Variants in RIC1 observed in about 807,000 individuals in gnomAD.
RIC1 encodes RIC1 partner of RAB6A GEF complex, also known as guanine nucleotide exchange factor subunit RIC1.
A neutral mutation model predicts 169.0 loss-of-function variants in RIC1; 88 were observed. The observed-to-expected ratio is 0.52, with a 90% CI of 0.44 to 0.62. The LOEUF is 0.62. RIC1 is among the 20% of genes least tolerant of loss of function. The pLI is 0.00. For missense variants in RIC1, 1,877 were observed against 1,725.5 expected (o/e 1.09, Z -1.56); for synonymous variants, 790 against 601.5 (o/e 1.31, Z -4.59).
chr9:5,670,765 A>G (rs1248663651), intron 2 of RIC1, among the ~76,000 whole-genome samples: 1 of 152,242 alleles, frequency 6.6e-6, no homozygotes, highest in Non-Finnish European at 1.5e-5. Context: ...TAATTCATGA[A>G]GAGCTGGCTG....
chr9:5,728,419 C>T (rs1563931359), intron 6 of RIC1, among the ~76,000 whole-genome samples: 2 of 152,324 alleles, frequency 1.3e-5, no homozygotes, highest in South Asian at 2.1e-4. Flanking sequence ...GGGAGTGTCC[C>T]GATTTTCCAT....
At position 5,656,649 on chromosome 9, in the gene RIC1, C is replaced by G; in HGVS notation, c.211C>G (p.Gln71Glu). 1 of 1,610,544 alleles carries G rather than the reference C, an allele frequency of 6.2e-7. No homozygotes were observed. The highest frequency in any genetic ancestry group is 8.5e-7 in the Non-Finnish European group (1 of 1,177,978). ...KSSTQFGSYK[Q>E]AEWRPDSTMI... ...ATCTACTCAGTTTGGATCCTACAAG[C>G]AAGCTGAATGGAGGCCAGATAGTAC... is the stretch of plus-strand genomic sequence containing the variant. Residue 71 changes from glutamine (Q) to glutamate (E), a missense_variant, in exon 2 of 26, where the codon CAA becomes GAA. Gln to Glu is a conservative substitution (Grantham distance 29). This residue lies in a region of RIC1 where 1,104 missense variants were observed against 992.0 expected (regional missense o/e 1.11). Coordinates refer to ENST00000414202, the MANE Select transcript of RIC1 (RefSeq NM_020829.4).
At chr9:5,651,099 C>T (rs1328420152) in intron 1 of RIC1, among the ~76,000 whole-genome samples, 1 of 152,182 alleles carries the variant, frequency 6.6e-6, no homozygotes, top group Non-Finnish European at 1.5e-5. Flanking sequence ...CTAAGAAGTT[C>T]TCTATGCTAG....
chr9:5,676,969 A>G (rs1820488278), intron 2 of RIC1, among the ~76,000 whole-genome samples: 1 of 151,666 alleles, frequency 6.6e-6, no homozygotes, highest in Non-Finnish European at 1.5e-5. Context: ...GGCTGTAACA[A>G]ACAAAACTAC....
intron 6 of RIC1, among the ~76,000 whole-genome samples, chr9:5,725,104 A>G (rs777784721): frequency 8.5e-5 from 13 of 152,088 alleles, no homozygotes; most frequent in East Asian, 1.9e-4. Flanking sequence ...CTCTTTTTCT[A>G]TTGATTGGAA....
intron 2 of RIC1, among the ~76,000 whole-genome samples, chr9:5,661,739 A>C (rs1586900320): frequency 6.6e-6 from 1 of 152,112 alleles, no homozygotes; most frequent in Non-Finnish European, 1.5e-5. Flanking sequence ...GGGCTGAGGC[A>C]ATGGGGTTTT....
intron 1 of RIC1, among the ~76,000 whole-genome samples, chr9:5,651,039 A>G (rs1818772580): frequency 6.6e-6 from 1 of 152,190 alleles, no homozygotes; most frequent in Admixed American, 6.5e-5. Context: ...TGCAGGTGGT[A>G]CAGGACCCAG....
In RIC1 at chr9:5,714,034, G is replaced by T. The variant is rs189558397; in HGVS notation, c.440+31G>T. 7.7e-4 allele frequency: 1,076 copies of T among 1,388,672 alleles called. 1 individual carries two copies. Among genetic ancestry groups the T allele is most frequent in the Non-Finnish European group, 1.0e-3 (994 of 981,018 alleles). 86.0% of individuals were successfully genotyped at this position (1,388,672 alleles called of 1,614,324 possible). On this transcript the variant is annotated intron_variant, in intron 4 of 25. Transcript: ENST00000414202. ...GTACTTTGGTTAAATTTGACATTGT[G>T]TGATGACAGTAGACAATGTAGTTCG... is the stretch of plus-strand genomic sequence containing the variant.
chr9:5,642,617 C>T (rs1048328032), intron 1 of RIC1, among the ~76,000 whole-genome samples: 1 of 144,968 alleles, frequency 6.9e-6, no homozygotes, highest in African/African-American at 2.8e-5. Flanking sequence ...ACACAAAATT[C>T]TTCCCACTTT....
chr9:5,729,960 G>T (rs1824261400), intron 6 of RIC1, among the ~76,000 whole-genome samples: 1 of 151,896 alleles, frequency 6.6e-6, no homozygotes, highest in Non-Finnish European at 1.5e-5. Flanking sequence ...TCTTTTCCAA[G>T]TACTTTAGAG....
intron 1 of RIC1, among the ~76,000 whole-genome samples, chr9:5,636,272 T>C (rs1817966968): frequency 6.6e-6 from 1 of 152,214 alleles, no homozygotes; most frequent in African/African-American, 2.4e-5. Context: ...AAATGTATTC[T>C]AAGTATTTAG....
intron 24 of RIC1, 33 bp from the exon 25 acceptor site, chr9:5,772,859 A>G (rs775211249): frequency 6.3e-7 from 1 of 1,591,754 alleles, no homozygotes; most frequent in Non-Finnish European, 8.6e-7. Flanking sequence ...GATCTTTCTT[A>G]GCATAAATCA....
intron 4 of RIC1, 128 bp from the exon 5 acceptor site, chr9:5,720,054 T>A: frequency 1.6e-6 from 1 of 640,420 alleles, no homozygotes; most frequent in East Asian, 2.9e-5. Flanking sequence ...AAGTTGCAGA[T>A]AAATGGAGAT....
intron 8 of RIC1, among the ~76,000 whole-genome samples, chr9:5,740,024 C>G (rs1459381250): frequency 1.3e-5 from 2 of 152,184 alleles, no homozygotes; most frequent in South Asian, 2.1e-4. Context: ...TCAGGGCAAT[C>G]TTAGCAGTTT....
intron 2 of RIC1, among the ~76,000 whole-genome samples, chr9:5,678,035 C>T (rs968088429): frequency 2.1e-5 from 3 of 142,736 alleles, no homozygotes; most frequent in Non-Finnish European, 4.5e-5. Context: ...GTGTGATGTT[C>T]CCCTTCCTGT....
intron 3 of RIC1, chr9:5,712,810 T>A (rs976457895): frequency 6.6e-6 from 1 of 152,198 alleles, no homozygotes; most frequent in African/African-American, 2.4e-5. Flanking sequence ...GTCACATCAG[T>A]CAGACATGTT....
Position 5,732,241 on chromosome 9 carries a change from TGTG to T in RIC1, c.721-144_721-142del. ...TTGGTAGTATTTTAAGGGAGACTAT[TGTG>T]GTAGTCCTGGTGGGATATTTTCCTC... On this transcript the variant is annotated intron_variant, in intron 6 of 25. Transcript: ENST00000414202. The T allele has an allele frequency of 1.6e-5, 10 of 612,252 alleles. 1 individual carries two copies. The South Asian group carries it at 2.3e-4, about 14-fold the overall frequency. The allele number at this position is 612,252 out of a possible 1,614,324, so 37.9% of individuals were successfully genotyped here.
At chr9:5,630,640 G>C (rs2130194918) in intron 1 of RIC1, among the ~76,000 whole-genome samples, 1 of 152,144 alleles carries the variant, frequency 6.6e-6, no homozygotes, top group South Asian at 2.1e-4. Flanking sequence ...ATCAAGTTTT[G>C]GCTGATCTAA....
intron 2 of RIC1, among the ~76,000 whole-genome samples, chr9:5,661,584 C>T (rs1196095280): frequency 6.6e-6 from 1 of 152,038 alleles, no homozygotes; most frequent in Non-Finnish European, 1.5e-5. Flanking sequence ...GTATTTTATT[C>T]ATTTGTGACC....
Sources: gnomAD v4.1 joint callset for allele counts (sites outside exome capture counted in the v4.1 genomes callset) on GRCh38, gnomAD v4.1.1 for gene constraint, gnomAD v4.1.1 regional missense constraint, MANE v1.5 for transcripts, NCBI Gene and HGNC (gene_info 2026-07-23, HGNC 2026-07-21) for gene names.